Variants in NUP58 observed in about 807,000 individuals in gnomAD.
NUP58 encodes the protein nucleoporin 58, also known as nucleoporin p58/p45.
Under a neutral mutation model 70.1 loss-of-function variants are expected in NUP58, and 17 were observed. That is an observed-to-expected ratio of 0.24 (90% confidence interval 0.17 to 0.36). The LOEUF (loss-of-function observed/expected upper bound fraction) is 0.36. NUP58 is among the 10% of genes least tolerant of loss of function. The probability of loss-of-function intolerance (pLI) is 1.00; values close to 1 mark genes in which losing one functional copy is unlikely to be tolerated. For synonymous variants in NUP58, 275 were observed against 257.6 expected (o/e 1.07, Z -0.65); for missense variants, 644 against 701.5 (o/e 0.92, Z 0.93).
chr13:25,332,863 C>G lies in NUP58; in HGVS notation c.1435+1305C>G, dbSNP rs189604060. 713 of 985,394 alleles carry G rather than the reference C, an allele frequency of 7.2e-4. 1 individual carries two copies. Among genetic ancestry groups the G allele is most frequent in the Non-Finnish European group, 8.2e-4 (684 of 829,926 alleles). The allele number at this position is 985,394 out of a possible 1,614,324, so 61.0% of individuals were successfully genotyped here. A position where few individuals can be genotyped will look rare whatever the true frequency, so the allele number is the denominator to read the frequency against. ...ATTGATATTTCTTCTTAAAAGGATTCAATCCCATAATTATGACCATCAGCT... is the reference window on the plus strand; with the variant it reads ...ATTGATATTTCTTCTTAAAAGGATTGAATCCCATAATTATGACCATCAGCT... On this transcript the variant is annotated intron_variant, in intron 13 of 15. Coordinates refer to ENST00000381736, the MANE Select transcript of NUP58 (RefSeq NM_014089.4).
intron 9 of NUP58, among the ~76,000 whole-genome samples, chr13:25,323,284 G>A (rs1022242612): frequency 7.2e-5 from 11 of 151,920 alleles, no homozygotes; most frequent in African/African-American, 2.4e-4. Flanking sequence ...ATACCTAGGC[G>A]ATGAGTTGAT....
At chr13:25,303,634 G>A (rs1479429362) in intron 1 of NUP58, among the ~76,000 whole-genome samples, 2 of 152,064 alleles carry the variant, frequency 1.3e-5, no homozygotes, top group Non-Finnish European at 2.9e-5. Flanking sequence ...CAGTCTAGGG[G>A]AGATTTCCAT....
intron 7 of NUP58, 96 bp downstream of exon 7, chr13:25,319,446 C>A: frequency 1.7e-6 from 2 of 1,187,830 alleles, no homozygotes; most frequent in Non-Finnish European, 2.4e-6. Flanking sequence ...ATATCATATA[C>A]ATTTAGGAGA....
Position 25,312,999 on chromosome 13 carries a change from A to T in NUP58, c.403A>T (p.Thr135Ser). ...TACCTCTACCTCAGCTAGCGGTCTG[A>T]CTCTTTCGTCTGCTCTGACATCAAC... ...PITSTSASGL[T>S]LSSALTSTPA... Residue 135 changes from threonine to serine, a missense_variant, in exon 4 of 16, where the codon ACT (threonine) becomes TCT (serine). Coordinates refer to ENST00000381736, the MANE Select transcript of NUP58 (RefSeq NM_014089.4). 4.3e-6 allele frequency: 7 copies of T among 1,613,990 alleles called. No individual in the cohort carries two copies. The highest frequency in any genetic ancestry group is 5.9e-6 in the Non-Finnish European group (7 of 1,179,978).
At chr13:25,344,426 A>G (rs1306635470), downstream of NUP58, among the ~76,000 whole-genome samples, 1 of 152,228 alleles carries the variant, frequency 6.6e-6, no homozygotes, top group East Asian at 1.9e-4. Context: ...CCTGAGAAGC[A>G]TTAGGTCTTC....
At chr13:25,325,134 A>G (rs868438048) in intron 10 of NUP58, 66 bp downstream of exon 10, 1 of 1,106,744 alleles carries the variant, frequency 9.0e-7, no homozygotes, top group Middle Eastern at 2.1e-4. Context: ...TAATAATAGT[A>G]TACAAACTAA....
At chr13:25,333,274 A>G in intron 13 of NUP58, 1 of 985,362 alleles carries the variant, frequency 1.0e-6, no homozygotes, top group Non-Finnish European at 1.2e-6. Context: ...GGCTCGAGGA[A>G]TACAAAGGTA....
downstream of NUP58, among the ~76,000 whole-genome samples, chr13:25,346,701 CAA>C (rs535325960): frequency 3.5e-3 from 496 of 141,082 alleles, 5 homozygotes; most frequent in African/African-American, 0.013. Context: ...GCCTGGGCAA[CAA>C]GAGCAAAACT....
intron 13 of NUP58, chr13:25,336,347 T>C (rs565859055): frequency 2.0e-6 from 2 of 1,013,826 alleles, no homozygotes; most frequent in Non-Finnish European, 2.8e-6. Context: ...AAATAAAACA[T>C]TGTCTTGTTT....
chr13:25,301,927 C>G, intron 1 of NUP58, 47 bp downstream of exon 1: 2 of 1,271,064 alleles, frequency 1.6e-6, no homozygotes, highest in East Asian at 2.5e-5. Flanking sequence ...CCCCCACCCC[C>G]ACCCCCGCAA....
intron 5 of NUP58, 29 bp from the exon 6 acceptor site, chr13:25,315,328 G>A: frequency 6.7e-7 from 1 of 1,499,912 alleles, no homozygotes; most frequent in South Asian, 1.2e-5. Flanking sequence ...GTCTTTTGAT[G>A]GAATTTATAA....
chr13:25,345,601 A>G (rs928835983), downstream of NUP58, among the ~76,000 whole-genome samples: 7 of 151,888 alleles, frequency 4.6e-5, no homozygotes, highest in African/African-American at 1.7e-4. Context: ...GGGTCTGTCC[A>G]CCTTGGAAAA....
In NUP58 at chr13:25,337,169, A is replaced by G. The variant is rs182046764; in HGVS notation, c.1534+135A>G. The G allele has an allele frequency of 7.5e-4, 364 of 483,910 alleles. 3 individuals carry two copies. Among genetic ancestry groups the G allele is most frequent in the African/African-American group, 5.9e-3 (293 of 49,974 alleles). The allele number at this position is 483,910 out of a possible 1,614,324, so 30.0% of individuals were successfully genotyped here. A position where few individuals can be genotyped will look rare whatever the true frequency, so the allele number is the denominator to read the frequency against. ...TTCCATCTGGCAAAAATGATTCTCA[A>G]ACATAATTATTGCTTTCTAATATTA... On this transcript the variant is annotated intron_variant, in intron 14 of 15. Transcript: ENST00000381736.
At chr13:25,318,915 A>G (rs2031059457) in intron 6 of NUP58, among the ~76,000 whole-genome samples, 1 of 152,250 alleles carries the variant, frequency 6.6e-6, no homozygotes, top group African/African-American at 2.4e-5. Flanking sequence ...ACTGGTAGGC[A>G]ACAACATAAA....
At chr13:25,336,124 G>T in intron 13 of NUP58, 1 of 1,295,946 alleles carries the variant, frequency 7.7e-7, no homozygotes, top group Non-Finnish European at 1.0e-6. Context: ...ACGTTGGAAA[G>T]AAACTTCTGA....
downstream of NUP58, among the ~76,000 whole-genome samples, chr13:25,343,003 G>A (rs138282958): frequency 1.6e-4 from 24 of 151,994 alleles, 1 homozygote; most frequent in East Asian, 3.9e-3. Flanking sequence ...GGTTTTTTTA[G>A]GAAATGTAAT....
chr13:25,321,163 G>A, intron 9 of NUP58, 70 bp downstream of exon 9: 2 of 1,309,916 alleles, frequency 1.5e-6, no homozygotes, highest in Non-Finnish European at 2.1e-6. Context: ...GAAATAAGGT[G>A]TTTTGTTTTG....
chr13:25,314,819 T>G (rs1488973868), intron 5 of NUP58, among the ~76,000 whole-genome samples: 1 of 152,218 alleles, frequency 6.6e-6, no homozygotes, highest in African/African-American at 2.4e-5. Context: ...TCCTTTTTAT[T>G]CCTTTTGTCA....
intron 12 of NUP58, among the ~76,000 whole-genome samples, chr13:25,330,138 A>G (rs1398154338): frequency 2.0e-5 from 3 of 152,136 alleles, no homozygotes; most frequent in Non-Finnish European, 4.4e-5. Flanking sequence ...TGTTTCTTTT[A>G]ACTAATGGTC....
Sources: gnomAD v4.1 joint callset for allele counts (sites outside exome capture counted in the v4.1 genomes callset) on GRCh38, gnomAD v4.1.1 for gene constraint, MANE v1.5 for transcripts, NCBI Gene and HGNC (gene_info 2026-07-23, HGNC 2026-07-21) for gene names.